EYS: variants seen among roughly 807,000 people sequenced by gnomAD.
EYS encodes the protein EGF-like photoreceptor maintenance factor, also known as protein eyes shut homolog.
In EYS, 250 loss-of-function variants were observed where a neutral mutation model predicts 282.1. That is an observed-to-expected ratio of 0.89 (90% confidence interval 0.80 to 0.98). The LOEUF is 0.98. Ranked by LOEUF, EYS falls within the 50% of genes least tolerant of loss-of-function variation. The probability of loss-of-function intolerance (pLI) is 0.00; values close to 1 mark genes in which losing one functional copy is unlikely to be tolerated. For missense variants in EYS, 4,016 were observed against 3,709.0 expected (o/e 1.08, Z -2.15); for synonymous variants, 1,355 against 1,282.9 (o/e 1.06, Z -1.20).
chr6:65,140,584 C>T (rs1166700167), intron 12 of EYS, among the ~76,000 whole-genome samples: 2 of 150,826 alleles, frequency 1.3e-5, no homozygotes, highest in Non-Finnish European at 3.0e-5. Context: ...ATTTTCGCAA[C>T]CTACTCATCT....
intron 12 of EYS, among the ~76,000 whole-genome samples, chr6:65,185,652 T>G (rs1349938750): frequency 1.3e-5 from 2 of 151,834 alleles, no homozygotes; most frequent in Non-Finnish European, 2.9e-5. Context: ...ACATGAGTGC[T>G]AGGCTCTGTT....
intron 4 of EYS, among the ~76,000 whole-genome samples, chr6:65,492,156 T>C (rs1419361105): frequency 6.6e-6 from 1 of 152,206 alleles, no homozygotes; most frequent in East Asian, 1.9e-4. Context: ...TTCATTATCT[T>C]CTTCGATTTT....
intron 35 of EYS, among the ~76,000 whole-genome samples, chr6:63,873,865 T>C (rs151067938): frequency 0.016 from 2,419 of 152,302 alleles, 23 homozygotes; most frequent in Non-Finnish European, 0.027. Flanking sequence ...TGTAAATTTG[T>C]TTAAGTTCTT....
At chr6:65,276,284 T>C (rs540819811) in intron 12 of EYS, among the ~76,000 whole-genome samples, 31 of 151,942 alleles carry the variant, frequency 2.0e-4, no homozygotes, top group African/African-American at 6.5e-4. Context: ...ATAGGAAGAG[T>C]AGAAATAGAA....
intron 34 of EYS, among the ~76,000 whole-genome samples, chr6:63,994,819 A>T (rs1183832717): frequency 1.3e-5 from 2 of 151,980 alleles, no homozygotes; most frequent in Non-Finnish European, 2.9e-5. Flanking sequence ...AAAAGCAAGG[A>T]TTTTGAAAAT....
intron 31 of EYS, among the ~76,000 whole-genome samples, chr6:64,094,433 T>G (rs1772503310): frequency 6.6e-6 from 1 of 152,110 alleles, no homozygotes; most frequent in South Asian, 2.1e-4. Context: ...CAATTTCAGC[T>G]CCTGTTATTG....
intron 22 of EYS, among the ~76,000 whole-genome samples, chr6:64,663,600 G>A (rs1221857324): frequency 6.6e-6 from 1 of 152,136 alleles, no homozygotes; most frequent in Admixed American, 6.5e-5. Flanking sequence ...AAAAAAGTGA[G>A]CCTGCAATTC....
At chr6:64,068,780 C>T (rs908095497) in intron 32 of EYS, among the ~76,000 whole-genome samples, 1 of 152,054 alleles carries the variant, frequency 6.6e-6, no homozygotes, top group Non-Finnish European at 1.5e-5. Flanking sequence ...TGTGTAAGTA[C>T]TGTGGAGTTG....
intron 19 of EYS, among the ~76,000 whole-genome samples, chr6:64,880,992 C>G (rs1766900515): frequency 6.6e-6 from 1 of 151,242 alleles, no homozygotes; most frequent in Non-Finnish European, 1.5e-5. Context: ...GTTAAATCCT[C>G]CAACCCTTCT....
chr6:65,655,838 T>C (rs139493063), intron 1 of EYS, among the ~76,000 whole-genome samples: 1 of 151,954 alleles, frequency 6.6e-6, no homozygotes, highest in East Asian at 1.9e-4. Flanking sequence ...GTGAACAATG[T>C]TGAAATAACA....
chr6:63,939,736 A>G (rs148540838), intron 35 of EYS, among the ~76,000 whole-genome samples: 155 of 152,352 alleles, frequency 1.0e-3, no homozygotes, highest in African/African-American at 3.7e-3. Context: ...ATATGTCATA[A>G]ATGCATAATA....
chr6:64,505,479 C>G (rs1414977684), intron 26 of EYS, among the ~76,000 whole-genome samples: 1 of 152,222 alleles, frequency 6.6e-6, no homozygotes, highest in African/African-American at 2.4e-5. Context: ...AAGATGCTCA[C>G]AGCCACCGGC....
chr6:65,498,871 C>A (rs1766348642), intron 2 of EYS, among the ~76,000 whole-genome samples: 1 of 151,872 alleles, frequency 6.6e-6, no homozygotes, highest in African/African-American at 2.4e-5. Flanking sequence ...AAATAGCAAG[C>A]CAAATGGCAT....
chr6:64,086,382 A>G (rs558544640), intron 31 of EYS, among the ~76,000 whole-genome samples: 3 of 152,182 alleles, frequency 2.0e-5, no homozygotes, highest in East Asian at 1.9e-4. Context: ...TGCCATGTCA[A>G]TTTTATTCAA....
chr6:65,567,166 T>G lies in EYS; in HGVS notation c.-332-71173A>C, dbSNP rs112316799. Among the ~76,000 whole-genome samples the G allele has an allele frequency of 4.7e-3, 709 of 151,932 alleles. 2 individuals are homozygous for G. Among genetic ancestry groups the G allele is most frequent in the African/African-American group, 0.016 (660 of 41,490 alleles). ...TCCACCTTCTGCCATGAGAAAACAT[T>G]GCAAGAAGGCTGTCACCAGATCCAG... On this transcript the variant is annotated intron_variant, in intron 2 of 42. Coordinates refer to ENST00000503581, the MANE Select transcript of EYS (RefSeq NM_001142800.2).
intron 31 of EYS, among the ~76,000 whole-genome samples, chr6:64,110,489 A>T (rs1053317191): frequency 6.6e-6 from 1 of 152,006 alleles, no homozygotes; most frequent in Non-Finnish European, 1.5e-5. Context: ...ATATCTAAAA[A>T]GACATCAGAG....
chr6:63,976,343 C>A (rs1197162152), intron 35 of EYS, among the ~76,000 whole-genome samples: 2 of 152,066 alleles, frequency 1.3e-5, no homozygotes, highest in African/African-American at 2.4e-5. Flanking sequence ...AACTTTTCAA[C>A]TCCATTACAA....
intron 19 of EYS, among the ~76,000 whole-genome samples, chr6:64,877,053 G>C (rs1014253327): frequency 1.3e-5 from 2 of 152,150 alleles, no homozygotes; most frequent in African/African-American, 4.8e-5. Context: ...TTTCAGGCAA[G>C]AGATGATGGG....
intron 2 of EYS, among the ~76,000 whole-genome samples, chr6:65,614,551 A>G (rs750901057): frequency 6.6e-6 from 1 of 152,098 alleles, no homozygotes; most frequent in Non-Finnish European, 1.5e-5. Flanking sequence ...CATGTTCCCC[A>G]TAGATGACCA....
Sources: gnomAD v4.1 joint callset for allele counts (sites outside exome capture counted in the v4.1 genomes callset) on GRCh38, gnomAD v4.1.1 for gene constraint, MANE v1.5 for transcripts, NCBI Gene and HGNC (gene_info 2026-07-23, HGNC 2026-07-21) for gene names.